Variants in ANXA11 observed in about 807,000 individuals in gnomAD.
The protein encoded by ANXA11 is 56 kDa autoantigen.
A neutral mutation model predicts 64.7 loss-of-function variants in ANXA11; 57 were observed. The observed-to-expected ratio is 0.88, with a 90% CI of 0.71 to 1.10. ANXA11 has a LOEUF of 1.10. Ranked by LOEUF, ANXA11 falls within the 50% of genes least tolerant of loss-of-function variation. The pLI is 0.00. For synonymous variants in ANXA11, 260 were observed against 265.2 expected (o/e 0.98, Z 0.19); for missense variants, 675 against 670.7 (o/e 1.01, Z -0.07).
intron 13 of ANXA11, 131 bp from the exon 14 acceptor site, chr10:80,158,156 C>T (rs560007752): frequency 3.1e-4 from 248 of 810,884 alleles, no homozygotes; most frequent in Admixed American, 5.3e-4. Context: ...TTCTCCTCCT[C>T]CTTCTGTTCC....
At chr10:80,167,745 T>G (rs774486288) in intron 5 of ANXA11, among the ~76,000 whole-genome samples, 3 of 152,184 alleles carry the variant, frequency 2.0e-5, no homozygotes, top group Non-Finnish European at 2.9e-5. Context: ...CTCCAGTGGA[T>G]GCAGGTATTG....
rs200703403 is a variant in ANXA11 at position 80,166,896 on chromosome 10, G to A, written c.738C>T (p.Tyr246=). The A allele has an allele frequency of 4.2e-5, 67 of 1,605,016 alleles. No homozygotes were observed. Among genetic ancestry groups the A allele is most frequent in the Admixed American group, 3.2e-4 (19 of 59,246 alleles). ...CCCCCACCCCGCAGCTCGCCTTGCC[G>A]TAAGCCGTCTTGAAGGAAAGTAGGA... The part of the protein sequence containing the change: ...QQILLSFKTA[Y]GKDLIKDLKS... Residue 246 remains tyrosine (Y), a synonymous_variant, in exon 7 of 16, where the codon TAC becomes TAT. Transcript: ENST00000422982.
At chr10:80,171,242 G>C (rs1845964270) in intron 3 of ANXA11, 3 of 1,196,684 alleles carry the variant, frequency 2.5e-6, no homozygotes, top group Non-Finnish European at 3.1e-6. Flanking sequence ...CAGGAGGACA[G>C]ACAAGGACAG....
intron 1 of ANXA11, among the ~76,000 whole-genome samples, chr10:80,189,281 C>T (rs1027332066): frequency 3.9e-5 from 6 of 152,152 alleles, no homozygotes; most frequent in Non-Finnish European, 7.3e-5. Flanking sequence ...CCAAGTGCCA[C>T]GGAACTCAAA....
intron 3 of ANXA11, chr10:80,171,253 A>T: frequency 8.6e-7 from 1 of 1,168,788 alleles, no homozygotes; most frequent in Non-Finnish European, 1.1e-6. Context: ...ACAAGGACAG[A>T]CTGTTGTGGG....
At position 80,154,276 on chromosome 10, in the gene ANXA11, A is replaced by G. The variant is rs1334561449; in HGVS notation, c.*1577T>C. ...GCCACCATGCCTGGCTAATTTTTGT[A>G]TTTTTAGTAGAGATGGGGTTTCACC... is the stretch of plus-strand genomic sequence containing the variant. On this transcript the variant is annotated 3_prime_UTR_variant, in exon 16 of 16. Coordinates refer to ENST00000422982, the MANE Select transcript of ANXA11 (RefSeq NM_145868.2). 6.6e-6 allele frequency: 1 copy of G among 151,802 alleles called. No individual in the cohort carries two copies. Among genetic ancestry groups the G allele is most frequent in the Non-Finnish European group, 1.5e-5 (1 of 68,000 alleles). The allele number at this position is 151,802 out of a possible 1,614,324, so 9.4% of individuals were successfully genotyped here.
chr10:80,170,703 C>G (rs1845934605), intron 4 of ANXA11, 97 bp downstream of exon 4: 1 of 972,944 alleles, frequency 1.0e-6, no homozygotes, highest in African/African-American at 1.7e-5. Context: ...GCAACACACA[C>G]ATAGACAACT....
chr10:80,169,549 C>T lies in ANXA11; in HGVS notation c.172-191G>A, dbSNP rs552144751. 5.3e-5 allele frequency among the ~76,000 whole-genome samples: 8 copies of T among 152,274 alleles called. No homozygotes were observed. In the East Asian group the frequency reaches 7.7e-4, roughly 15 times the overall value. ...AAAGTTACACAGCCAGTGAACAGTG[C>T]GACTCGATCCAAACCAGAGATCCTC... On this transcript the variant is annotated intron_variant, in intron 4 of 15. Coordinates refer to ENST00000422982, the MANE Select transcript of ANXA11 (RefSeq NM_145868.2).
chr10:80,168,197 C>G lies in ANXA11; in HGVS notation c.561+772G>C, dbSNP rs373043870. 1.6e-4 allele frequency among the ~76,000 whole-genome samples: 15 copies of G among 94,148 alleles called. No individual in the cohort carries two copies. The East Asian group carries it at 3.7e-3, about 23-fold the overall frequency. 61.8% of individuals were successfully genotyped at this position (94,148 alleles called of 152,430 possible). A position where few individuals can be genotyped will look rare whatever the true frequency, so the allele number is the denominator to read the frequency against. On this transcript the variant is annotated intron_variant, in intron 5 of 15. Transcript: ENST00000422982. ...CCAAGATCAACCCTGGAGGAACTGC[C>G]AACATTCTCCCTACCCAAAGGGAAT... is the stretch of plus-strand genomic sequence containing the variant.
At chr10:80,182,914 T>C (rs1846406284) in intron 1 of ANXA11, among the ~76,000 whole-genome samples, 1 of 152,126 alleles carries the variant, frequency 6.6e-6, no homozygotes, top group Admixed American at 6.5e-5. Context: ...TTGAGCTGCA[T>C]TATAGGACAC....
chr10:80,158,006 G>A lies in ANXA11; in HGVS notation c.1296C>T (p.Thr432=). The part of the protein sequence containing the change: ...MLAVVKCLKN[T]PAFFAERLNK... ...TGAGCCTCTCCGCAAAGAAGGCTGG[G>A]GTATTCTTGAGACATTTCACTAGAA... The change falls in exon 14 of 16, where the codon ACC becomes ACT. Residue 432 remains threonine, a synonymous_variant. Transcript: ENST00000422982. 6.2e-7 allele frequency: 1 copy of A among 1,614,034 alleles called. No individual in the cohort carries two copies. Among genetic ancestry groups the A allele is most frequent in the Non-Finnish European group, 8.5e-7 (1 of 1,179,976 alleles).
Position 80,163,398 on chromosome 10 carries a change from C to T in ANXA11, c.1037G>A (p.Arg346His), listed in dbSNP as rs749606073. ...CATGTCCACGTTTGTGCTTTCATCA[C>T]GGTTTCCCTGAAAGGAAGCAGGTGT... ...RLLISLSQGNRDESTNVDMSL... is the reference protein window; with the variant it reads ...RLLISLSQGNHDESTNVDMSL... The change falls in exon 11 of 16, where the codon CGT becomes CAT. Residue 346 changes from arginine to histidine, a missense_variant. By Grantham distance (29) the Arg-to-His change is conservative (BLOSUM62 0). Coordinates refer to ENST00000422982, the MANE Select transcript of ANXA11 (RefSeq NM_145868.2). 1.3e-5 allele frequency: 21 copies of T among 1,613,916 alleles called. No homozygotes were observed. The highest frequency in any genetic ancestry group is 1.1e-4 in the South Asian group (10 of 91,074).
Position 80,181,778 on chromosome 10 carries a change from T to C in ANXA11, c.-57-5623A>G, listed in dbSNP as rs1401121878. Among the ~76,000 whole-genome samples, 6 of 152,178 alleles carry C rather than the reference T, an allele frequency of 3.9e-5. No homozygotes were observed. In the East Asian group the frequency reaches 1.2e-3, roughly 29 times the overall value. On this transcript the variant is annotated intron_variant, in intron 1 of 15. Coordinates refer to ENST00000422982, the MANE Select transcript of ANXA11 (RefSeq NM_145868.2). ...TTAGAATGGCCAAAATCCAAAACACTGATAACACCAAATGCTGGTGAGGAT... is the reference window on the plus strand; with the variant it reads ...TTAGAATGGCCAAAATCCAAAACACCGATAACACCAAATGCTGGTGAGGAT...
intron 1 of ANXA11, among the ~76,000 whole-genome samples, chr10:80,189,685 A>G (rs1046241286): frequency 6.6e-6 from 1 of 152,244 alleles, no homozygotes; most frequent in Admixed American, 6.5e-5. Context: ...AAATGCTTCA[A>G]TGAGCACTTC....
chr10:80,190,508 C>T (rs1208025390), intron 1 of ANXA11, among the ~76,000 whole-genome samples: 2 of 106,640 alleles, frequency 1.9e-5, no homozygotes, highest in East Asian at 2.4e-4. Flanking sequence ...TTTTTTGAGA[C>T]GGAGTCTCGC....
At position 80,153,221 on chromosome 10, in the gene ANXA11, A is replaced by G. The variant is rs1318042280; in HGVS notation, c.*2632T>C. ...CTTAGTGTAATACAAGACGGAGCCT[A>G]TAGCAAATAAGGAGTACAGGCCTAA... On this transcript the variant is annotated 3_prime_UTR_variant, in exon 16 of 16. Coordinates refer to ENST00000422982, the MANE Select transcript of ANXA11 (RefSeq NM_145868.2). 6.6e-6 allele frequency: 1 copy of G among 152,198 alleles called. No individual in the cohort carries two copies. The highest frequency in any genetic ancestry group is 2.4e-5 in the African/African-American group (1 of 41,452). The allele number at this position is 152,198 out of a possible 1,614,324, so 9.4% of individuals were successfully genotyped here.
rs1036008635 is a variant in ANXA11, at chr10:80,154,980, G to A, written c.*873C>T. 9 of 152,196 alleles carry A rather than the reference G, an allele frequency of 5.9e-5. No individual in the cohort carries two copies. The highest frequency in any genetic ancestry group is 2.2e-4 in the African/African-American group (9 of 41,416). The allele number at this position is 152,196 out of a possible 1,614,324, so 9.4% of individuals were successfully genotyped here. A position where few individuals can be genotyped will look rare whatever the true frequency, so the allele number is the denominator to read the frequency against. On this transcript the variant is annotated 3_prime_UTR_variant, in exon 16 of 16. Coordinates refer to ENST00000422982, the MANE Select transcript of ANXA11 (RefSeq NM_145868.2). Reference sequence around the variant, plus strand: ...GGAACCTCCCTTCCCATGTCCTTACGAGTCCCTGCAAACTAGTGTATGCTC... The same window carrying A: ...GGAACCTCCCTTCCCATGTCCTTACAAGTCCCTGCAAACTAGTGTATGCTC...
rs60662155 is a variant in ANXA11, at chr10:80,166,038, GCGCGCA to G, written c.858+40_858+45del. 2,039 of 557,430 alleles carry G rather than the reference GCGCGCA, an allele frequency of 3.7e-3. 26 individuals carry two copies. The African/African-American group carries it at 0.046, about 12-fold the overall frequency. The allele number at this position is 557,430 out of a possible 1,614,324, so 34.5% of individuals were successfully genotyped here. The stretch of plus-strand genomic sequence containing the variant: ...CACGCATGCGCGCGTGCGCACACAC[GCGCGCA>G]CACACACACACACACACACACACAC... On this transcript the variant is annotated intron_variant, in intron 8 of 15. Transcript: ENST00000422982.
chr10:80,193,669 C>T (rs1216218215), intron 1 of ANXA11, among the ~76,000 whole-genome samples: 1 of 151,812 alleles, frequency 6.6e-6, no homozygotes, highest in South Asian at 2.1e-4. Context: ...CATGTCAAAA[C>T]CCCGTCTCTA....
Sources: allele counts gnomAD v4.1 joint callset (sites outside exome capture counted in the v4.1 genomes callset), GRCh38; gene constraint gnomAD v4.1.1; transcripts MANE v1.5; gene names NCBI Gene and HGNC (gene_info 2026-07-23, HGNC 2026-07-21).